The following METTL15 variants were observed in gnomAD, a reference collection of about 807,000 sequenced individuals.
METTL15 encodes the protein 12S rRNA N(4)-cytidine methyltransferase METTL15.
METTL15 carries 34 observed loss-of-function variants against 38.3 expected under a neutral mutation model. That is an observed-to-expected ratio of 0.89 (90% CI 0.68 to 1.18). The LOEUF (loss-of-function observed/expected upper bound fraction) is 1.18, where lower values mean the gene tolerates loss of function less well. Among genes scored for constraint, METTL15 ranks in the 50% most tolerant of loss-of-function variants. The pLI, the probability that METTL15 is intolerant of heterozygous loss-of-function variation, is 0.00. For synonymous variants in METTL15, 162 were observed against 170.9 expected (o/e 0.95, Z 0.41); for missense variants, 438 against 498.4 (o/e 0.88, Z 1.15).
rs901148642 is a variant in METTL15, at chr11:28,333,304, ACT to A, written c.*2464_*2465del. 13 of 152,296 alleles carry A rather than the reference ACT, an allele frequency of 8.5e-5. No individual in the cohort carries two copies. The highest frequency in any genetic ancestry group is 8.3e-4 in the South Asian group (4 of 4,828). The allele number at this position is 152,296 out of a possible 1,614,324, so 9.4% of individuals were successfully genotyped here. On this transcript the variant is annotated 3_prime_UTR_variant, in exon 7 of 7. Coordinates refer to ENST00000407364, the MANE Select transcript of METTL15 (RefSeq NM_001113528.2). ...AATGTTTTCATGTAAAAATAAATTA[ACT>A]TTTCTGTAATTAGATTGTGTTTTAT...
chr11:28,448,999 C>A (rs1418549092), intron 6 of METTL15, among the ~76,000 whole-genome samples: 12 of 152,264 alleles, frequency 7.9e-5, no homozygotes, highest in Middle Eastern at 3.4e-3. Context: ...AATATGGAGC[C>A]TCCAGAAACT....
intron 4 of METTL15, among the ~76,000 whole-genome samples, chr11:28,233,028 C>G (rs1853755057): frequency 6.6e-6 from 1 of 151,974 alleles, no homozygotes; most frequent in South Asian, 2.1e-4. Context: ...TTGAAGCGGA[C>G]AACAAAATTA....
intron 6 of METTL15, among the ~76,000 whole-genome samples, chr11:28,310,929 G>C (rs1456414129): frequency 4.0e-3 from 464 of 116,752 alleles, no homozygotes; most frequent in Non-Finnish European, 6.3e-3. Context: ...GGTGGTGGTG[G>C]TGGTGGTGGT....
At chr11:28,339,320 G>A (rs994289146) in intron 3 of METTL15, among the ~76,000 whole-genome samples, 1 of 151,848 alleles carries the variant, frequency 6.6e-6, no homozygotes, top group Admixed American at 6.6e-5. Flanking sequence ...ACCCATGAGG[G>A]ATTCACACAC....
chr11:28,216,051 A>G (rs1007693226), intron 4 of METTL15, among the ~76,000 whole-genome samples: 1 of 152,230 alleles, frequency 6.6e-6, no homozygotes, highest in East Asian at 1.9e-4. Context: ...TAGACAGATC[A>G]GAAAGAATAC....
At chr11:28,488,806 C>G (rs1362384462) in intron 6 of METTL15, among the ~76,000 whole-genome samples, 1 of 152,094 alleles carries the variant, frequency 6.6e-6, no homozygotes, top group Non-Finnish European at 1.5e-5. Context: ...CCTTCCTAGA[C>G]CTGCTGTTCC....
intron 3 of METTL15, among the ~76,000 whole-genome samples, chr11:28,192,332 A>G (rs765946039): frequency 6.6e-6 from 1 of 151,866 alleles, no homozygotes; most frequent in African/African-American, 2.4e-5. Flanking sequence ...CCAAAATAAT[A>G]GTTGATTTTG....
At chr11:28,253,809 T>TCATC (rs1854853740) in intron 4 of METTL15, among the ~76,000 whole-genome samples, 1 of 152,058 alleles carries the variant, frequency 6.6e-6, no homozygotes, top group East Asian at 1.9e-4. Context: ...TGACACAATC[T>TCATC]CATCCATTCT....
intron 4 of METTL15, among the ~76,000 whole-genome samples, chr11:28,220,709 G>C (rs189108214): frequency 6.6e-5 from 10 of 152,186 alleles, no homozygotes; most frequent in Admixed American, 1.3e-4. Context: ...CCGGTTGTTC[G>C]TTTCCATGTT....
intron 6 of METTL15, among the ~76,000 whole-genome samples, chr11:28,297,142 A>G (rs1163339161): frequency 6.6e-6 from 1 of 151,902 alleles, no homozygotes; most frequent in East Asian, 1.9e-4. Flanking sequence ...TCTCCCCCAA[A>G]AAACCTCTCC....
At chr11:28,514,551 C>T (rs1399682316) in intron 6 of METTL15, among the ~76,000 whole-genome samples, 1 of 152,178 alleles carries the variant, frequency 6.6e-6, no homozygotes, top group Admixed American at 6.5e-5. Flanking sequence ...TTTTGAATTG[C>T]TATTACTTGC....
chr11:28,384,314 CT>C (rs575254611), intron 5 of METTL15, among the ~76,000 whole-genome samples: 228 of 143,990 alleles, frequency 1.6e-3, no homozygotes, highest in Admixed American at 1.7e-3. Flanking sequence ...TTCTTTCTTT[CT>C]TTTTTTTTTT....
At chr11:28,378,949 G>T (rs925303258) in intron 5 of METTL15, among the ~76,000 whole-genome samples, 13 of 151,784 alleles carry the variant, frequency 8.6e-5, no homozygotes, top group Non-Finnish European at 1.9e-4. Flanking sequence ...GTCAGTCCTG[G>T]TAAGTTGTAT....
At chr11:28,460,973 T>A (rs907385592) in intron 6 of METTL15, among the ~76,000 whole-genome samples, 1 of 152,088 alleles carries the variant, frequency 6.6e-6, no homozygotes, top group African/African-American at 2.4e-5. Context: ...AGAATTATTA[T>A]GTGCTTTGTG....
intron 6 of METTL15, among the ~76,000 whole-genome samples, chr11:28,478,032 C>A (rs1323777649): frequency 6.6e-6 from 1 of 152,120 alleles, no homozygotes; most frequent in Non-Finnish European, 1.5e-5. Context: ...ATTGTTTTAT[C>A]CTTTATCTAT....
At chr11:28,476,905 A>G (rs1345391616) in intron 6 of METTL15, among the ~76,000 whole-genome samples, 1 of 152,230 alleles carries the variant, frequency 6.6e-6, no homozygotes, top group Non-Finnish European at 1.5e-5. Flanking sequence ...AAGGACCATA[A>G]TAGACATGAG....
chr11:28,459,208 T>C (rs550726229), intron 6 of METTL15, among the ~76,000 whole-genome samples: 47 of 152,340 alleles, frequency 3.1e-4, no homozygotes, highest in African/African-American at 1.1e-3. Context: ...TATACTTTTA[T>C]AAATTTCATG....
chr11:28,151,093 G>A (rs922167937), intron 3 of METTL15, among the ~76,000 whole-genome samples: 10 of 151,240 alleles, frequency 6.6e-5, no homozygotes, highest in African/African-American at 9.7e-5. Flanking sequence ...TCATTGGGAC[G>A]AATTGTTTTC....
At chr11:28,109,864 A>C (rs578189157) in intron 1 of METTL15, among the ~76,000 whole-genome samples, 9 of 152,338 alleles carry the variant, frequency 5.9e-5, no homozygotes, top group African/African-American at 2.2e-4. Context: ...GGAATTGTAC[A>C]TTTGGTTAAA....
Sources: gnomAD v4.1 joint callset for allele counts (sites outside exome capture counted in the v4.1 genomes callset) on GRCh38, gnomAD v4.1.1 for gene constraint, MANE v1.5 for transcripts, NCBI Gene and HGNC (gene_info 2026-07-23, HGNC 2026-07-21) for gene names.